GPATCH1: variants seen among roughly 807,000 people sequenced by gnomAD.
The protein encoded by GPATCH1 is G patch domain-containing protein 1.
In GPATCH1, 73 loss-of-function variants were observed where a neutral mutation model predicts 114.9. The ratio of observed to expected loss-of-function variants is 0.64; its 90% CI spans 0.53 to 0.77. GPATCH1 has a LOEUF of 0.77. Among genes scored for constraint, GPATCH1 ranks in the 30% least tolerant of loss-of-function variants. The pLI is 0.00. For missense variants in GPATCH1, 1,058 were observed against 1,144.3 expected, an observed-to-expected ratio of 0.92 and a Z score of 1.09; for synonymous variants, 391 against 428.4, an observed-to-expected ratio of 0.91 and a Z score of 1.08.
intron 4 of GPATCH1, 128 bp from the exon 5 acceptor site, chr19:33,094,044 A>G: frequency 4.7e-6 from 3 of 635,320 alleles, no homozygotes; most frequent in Non-Finnish European, 8.5e-6. Context: ...GCCAGATGTA[A>G]TGTGGGTGAG....
intron 7 of GPATCH1, among the ~76,000 whole-genome samples, chr19:33,097,015 G>A (rs1168088387): frequency 6.7e-6 from 1 of 149,910 alleles, no homozygotes; most frequent in African/African-American, 2.5e-5. Flanking sequence ...GCGCGATCTC[G>A]GCTCACCGCA....
In GPATCH1 at chr19:33,109,823, T is replaced by A; in HGVS notation, c.1392T>A (p.Ser464Arg). 1 of 1,612,920 alleles carries A rather than the reference T, an allele frequency of 6.2e-7. No individual in the cohort carries two copies. The highest frequency in any genetic ancestry group is 8.5e-7 in the Non-Finnish European group (1 of 1,179,444). Residue 464 changes from serine to arginine, a missense_variant, in exon 11 of 20, where the codon AGT (serine) becomes AGA (arginine). Coordinates refer to ENST00000170564, the MANE Select transcript of GPATCH1 (RefSeq NM_018025.3). ...AAGCAGCTCAGCTCAAGGCCAGGAG[T>A]CTGGCCCAGAACGCTCAGAGCAGCA... The part of the protein sequence containing the change: ...DLKAAQLKAR[S>R]LAQNAQSSRA...
At chr19:33,118,961 A>G (rs1972945904) in intron 16 of GPATCH1, 49 bp from the exon 17 acceptor site, 1 of 1,087,122 alleles carries the variant, frequency 9.2e-7, no homozygotes, top group Non-Finnish European at 1.4e-6. Flanking sequence ...AGACTCAGAG[A>G]CATTAACATG....
At chr19:33,125,799 G>A (rs1318637701) in intron 18 of GPATCH1, among the ~76,000 whole-genome samples, 1 of 152,120 alleles carries the variant, frequency 6.6e-6, no homozygotes, top group East Asian at 1.9e-4. Flanking sequence ...GTTAAGTGAA[G>A]GTATTATTTT....
At chr19:33,116,719 C>T (rs903749055) in intron 15 of GPATCH1, among the ~76,000 whole-genome samples, 20 of 152,146 alleles carry the variant, frequency 1.3e-4, no homozygotes, top group Middle Eastern at 6.8e-3. Flanking sequence ...TTAGTAGAGA[C>T]GGGGTTTTAC....
intron 14 of GPATCH1, 28 bp from the exon 15 acceptor site, chr19:33,114,225 G>T: frequency 6.3e-7 from 1 of 1,581,098 alleles, no homozygotes; most frequent in Non-Finnish European, 8.6e-7. Context: ...GCTAATGCTG[G>T]AGTTTATATC....
At chr19:33,102,027 CAA>C (rs563794335) in intron 9 of GPATCH1, among the ~76,000 whole-genome samples, 15 of 92,192 alleles carry the variant, frequency 1.6e-4, no homozygotes, top group Non-Finnish European at 1.8e-4. Flanking sequence ...AACTCTGTCT[CAA>C]AAAAAAAAAA....
rs368488787 is a variant in GPATCH1 at position 33,109,980 on chromosome 19, G to A, written c.1549G>A (p.Asp517Asn). The A allele has an allele frequency of 3.7e-6, 6 of 1,613,618 alleles. No individual in the cohort carries two copies. Among genetic ancestry groups the A allele is most frequent in the Non-Finnish European group, 5.1e-6 (6 of 1,179,826 alleles). Residue 517 changes from aspartate to asparagine, a missense_variant, in exon 11 of 20, where the codon GAC becomes AAC. Around this residue, in one of 3 missense-constraint regions of GPATCH1, gnomAD observed 893 missense variants for 977.4 expected, o/e 0.91. Coordinates refer to ENST00000170564, the MANE Select transcript of GPATCH1 (RefSeq NM_018025.3). ...AGATCCGGAAAAGCAAAAGCGATAC[G>A]ACGAGTTCTTAGTACACATGAAACA... ...AKDPEKQKRY[D>N]EFLVHMKQGQ...
At chr19:33,094,958 G>A (rs1972638832) in intron 5 of GPATCH1, among the ~76,000 whole-genome samples, 1 of 152,114 alleles carries the variant, frequency 6.6e-6, no homozygotes, top group Non-Finnish European at 1.5e-5. Context: ...GAGCCCAGGT[G>A]TTTGAGACCA....
Position 33,088,112 on chromosome 19 carries a change from CTTTTTTT to C in GPATCH1, c.74-9_74-3del. 20 of 1,103,818 alleles carry C rather than the reference CTTTTTTT, an allele frequency of 1.8e-5. No homozygotes were observed. Among genetic ancestry groups the C allele is most frequent in the Middle Eastern group, 2.9e-4 (1 of 3,428 alleles). The allele number at this position is 1,103,818 out of a possible 1,614,324, so 68.4% of individuals were successfully genotyped here. The stretch of plus-strand genomic sequence containing the variant: ...TCTCCTCTCTTTTTCATTTAAAAAA[CTTTTTTT>C]TTTTTTTTTTTTAGGTGAAAGACCA... On this transcript the variant is annotated splice_polypyrimidine_tract_variant and intron_variant, in intron 1 of 19. Coordinates refer to ENST00000170564, the MANE Select transcript of GPATCH1 (RefSeq NM_018025.3).
chr19:33,110,046 TCGGCCCGGG>T (rs760912447), intron 11 of GPATCH1, 30 bp downstream of exon 11: 1 of 1,560,446 alleles, frequency 6.4e-7, no homozygotes, highest in Non-Finnish European at 8.7e-7. Context: ...GTCCCAAATC[TCGGCCCGGG>T]CGGGGTCATA....
chr19:33,113,918 C>T lies in GPATCH1; in HGVS notation c.2029+15C>T, dbSNP rs750170137. 1.9e-6 allele frequency: 3 copies of T among 1,612,230 alleles called. No homozygotes were observed. The highest frequency in any genetic ancestry group is 1.7e-5 in the Admixed American group (1 of 59,740). On this transcript the variant is annotated intron_variant, in intron 14 of 19. Coordinates refer to ENST00000170564, the MANE Select transcript of GPATCH1 (RefSeq NM_018025.3). ...AGGTCCCGACAGTGAGTAGGGCGTC[C>T]CCGGGGTCTCTGATTGACCAGGGCC...
Position 33,090,868 on chromosome 19 carries a change from G to T in GPATCH1, c.294+3G>T, listed in dbSNP as rs775059277. ...CTGAAGATTTTATGGATGAAGAGGTGCGTGTGCAAAACTTTAATTGCCAAT... is the reference window on the plus strand; with the variant it reads ...CTGAAGATTTTATGGATGAAGAGGTTCGTGTGCAAAACTTTAATTGCCAAT... On this transcript the variant is annotated splice_donor_region_variant and intron_variant, in intron 3 of 19. Transcript: ENST00000170564. The T allele has an allele frequency of 1.9e-6, 3 of 1,603,502 alleles. No homozygotes were observed. The highest frequency in any genetic ancestry group is 2.6e-6 in the Non-Finnish European group (3 of 1,170,684).
At chr19:33,121,081 G>A (rs995436219) in intron 17 of GPATCH1, among the ~76,000 whole-genome samples, 1 of 151,350 alleles carries the variant, frequency 6.6e-6, no homozygotes, top group African/African-American at 2.4e-5. Flanking sequence ...GGAATTGCAA[G>A]AAGAGTATTT....
intron 9 of GPATCH1, among the ~76,000 whole-genome samples, chr19:33,104,099 G>C (rs1568343804): frequency 6.6e-6 from 1 of 151,984 alleles, no homozygotes; most frequent in African/African-American, 2.4e-5. Flanking sequence ...GGAGGCCAAT[G>C]CGGGCAGATC....
At chr19:33,116,337 C>T (rs930633510) in intron 15 of GPATCH1, among the ~76,000 whole-genome samples, 1 of 152,214 alleles carries the variant, frequency 6.6e-6, no homozygotes, top group African/African-American at 2.4e-5. Context: ...GCTCTTTCTT[C>T]ATCCTTGAAG....
intron 1 of GPATCH1, among the ~76,000 whole-genome samples, chr19:33,082,794 C>G (rs59210433): frequency 0.019 from 2,938 of 152,256 alleles, 83 homozygotes; most frequent in African/African-American, 0.067. Context: ...TCTACACTCA[C>G]TATCCCAAGT....
At chr19:33,118,123 C>G in intron 16 of GPATCH1, 82 bp downstream of exon 16, 2 of 836,704 alleles carry the variant, frequency 2.4e-6, no homozygotes, top group Non-Finnish European at 3.9e-6. Context: ...ACTCTATAAT[C>G]TTAAACCCGA....
intron 17 of GPATCH1, 70 bp from the exon 18 acceptor site, chr19:33,125,035 G>T (rs1438806534): frequency 9.2e-6 from 14 of 1,519,716 alleles, no homozygotes; most frequent in Non-Finnish European, 1.2e-5. Context: ...CAGCAGTTTA[G>T]GAGCTTAGTT....
Sources: allele counts gnomAD v4.1 joint callset (sites outside exome capture counted in the v4.1 genomes callset), GRCh38; gene constraint gnomAD v4.1.1; regional missense constraint gnomAD v4.1.1; transcripts MANE v1.5; gene names NCBI Gene and HGNC (gene_info 2026-07-23, HGNC 2026-07-21).